The following PDLIM3 variants were observed in gnomAD, a reference collection of about 807,000 sequenced individuals.
PDLIM3 encodes PDZ and LIM domain protein 3.
In PDLIM3, 36 loss-of-function variants were observed where a neutral mutation model predicts 37.3. That is an observed-to-expected ratio of 0.97 (90% CI 0.74 to 1.28). PDLIM3 has a LOEUF of 1.28. Ranked by LOEUF, PDLIM3 falls within the 50% of genes most tolerant of loss-of-function variation. PDLIM3 has a pLI of 0.00. For synonymous variants in PDLIM3, 174 were observed against 182.4 expected (o/e 0.95, Z 0.37); for missense variants, 454 against 485.0 (o/e 0.94, Z 0.60).
chr4:185,514,534 G>T lies in PDLIM3; in HGVS notation c.331-197C>A. On this transcript the variant is annotated intron_variant, in intron 3 of 7. Transcript: ENST00000284767. This position sits in a 1 kb window ranked among gnomAD's most constrained non-coding sequence, Gnocchi z 4.0. ...TAAACGGTCAGGCACTGGCGGATTGGACCCCACAACAATTAGAACATGTTT... is the reference window on the plus strand; with the variant it reads ...TAAACGGTCAGGCACTGGCGGATTGTACCCCACAACAATTAGAACATGTTT... The T allele has an allele frequency of 7.9e-7, 1 of 1,271,610 alleles. No homozygotes were observed. The highest frequency in any genetic ancestry group is 1.1e-6 in the Non-Finnish European group (1 of 909,780). 78.8% of individuals were successfully genotyped at this position (1,271,610 alleles called of 1,614,324 possible).
chr4:185,534,068 G>A (rs542489411), intron 1 of PDLIM3, among the ~76,000 whole-genome samples: 2 of 152,272 alleles, frequency 1.3e-5, no homozygotes, highest in East Asian at 3.9e-4. Flanking sequence ...GTTTTTGGGG[G>A]TATGTTGAAC....
rs761092351 is a variant in PDLIM3 at position 185,504,567 on chromosome 4, C to T, written c.813G>A (p.Thr271=). Residue 271 remains threonine (T), a synonymous_variant, in exon 7 of 8, where the codon ACG becomes ACA. Coordinates refer to ENST00000284767, the MANE Select transcript of PDLIM3 (RefSeq NM_014476.6). The surrounding 1 kb of genome is among the most constrained non-coding windows in gnomAD (Gnocchi z 4.7). ...DDGSDDRPAG[T]RSVRAPVTKV... Reference sequence around the variant, plus strand: ...TCGTCACCGGAGCTCTCACACTCCGCGTTCCAGCCGGACGGTCATCTGAAA... The same window carrying T: ...TCGTCACCGGAGCTCTCACACTCCGTGTTCCAGCCGGACGGTCATCTGAAA... 4.3e-6 allele frequency: 7 copies of T among 1,613,900 alleles called. No homozygotes were observed. The highest frequency in any genetic ancestry group is 2.2e-5 in the East Asian group (1 of 44,886).
chr4:185,513,076 C>T (rs2095709157), intron 4 of PDLIM3: 1 of 984,760 alleles, frequency 1.0e-6, no homozygotes, highest in Non-Finnish European at 1.2e-6. Context: ...TGTAGATGGT[C>T]GCTTATTGAG....
chr4:185,535,477 A>AGGGCAGCCACTCCGCGCC lies in PDLIM3; in HGVS notation c.-61_-44dup. ...CACCGGGCTCTAAGTGTCCCCGCGCAGGGCAGCCACTCCGCGCCGGGCGGC... is the reference window on the plus strand; with the variant it reads ...CACCGGGCTCTAAGTGTCCCCGCGCAGGGCAGCCACTCCGCGCCGGGCAGCCACTCCGCGCCGGGCGGC... On this transcript the variant is annotated 5_prime_UTR_variant, in exon 1 of 8. Transcript: ENST00000284767. 1 of 1,510,674 alleles carries AGGGCAGCCACTCCGCGCC rather than the reference A, an allele frequency of 6.6e-7. No individual in the cohort carries two copies. The highest frequency in any genetic ancestry group is 8.9e-7 in the Non-Finnish European group (1 of 1,117,416). The allele number at this position is 1,510,674 out of a possible 1,614,324, so 93.6% of individuals were successfully genotyped here.
At chr4:185,503,958 A>G (rs1230141631) in intron 7 of PDLIM3, among the ~76,000 whole-genome samples, 2 of 152,210 alleles carry the variant, frequency 1.3e-5, no homozygotes, top group African/African-American at 2.4e-5. Context: ...TGAATAAATA[A>G]AAGTTCCCTT....
Position 185,512,488 on chromosome 4 carries a change from T to C in PDLIM3, c.398+1782A>G, listed in dbSNP as rs543646034. On this transcript the variant is annotated intron_variant, in intron 4 of 7. Transcript: ENST00000284767. Reference sequence around the variant, plus strand: ...AATTCAGCTACATTAAAAGGTGTGATCTTCAAATGACAACATTATGAGTGG... The same window carrying C: ...AATTCAGCTACATTAAAAGGTGTGACCTTCAAATGACAACATTATGAGTGG... The C allele has an allele frequency of 2.5e-5, 4 of 161,120 alleles. No homozygotes were observed. The South Asian group carries it at 8.0e-4, about 32-fold the overall frequency. 10.0% of individuals were successfully genotyped at this position (161,120 alleles called of 1,614,324 possible).
chr4:185,508,299 C>A lies in PDLIM3; in HGVS notation c.662G>T (p.Ser221Ile). The change falls in exon 5 of 8, where the codon AGC (serine) becomes ATC (isoleucine). Residue 221 changes from serine (S) to isoleucine (I), a missense_variant and splice_region_variant. Physicochemically the swap from Ser to Ile is moderately radical, Grantham distance 142. Transcript: ENST00000284767. ...STALGETPLM[S>I]EPTASVPPES... ...CATGGTTCAAAGAGACTCATATTAC[C>A]TCATCAAAGGTGTTTCCCCTAGGGC... is the stretch of plus-strand genomic sequence containing the variant. 6.2e-7 allele frequency: 1 copy of A among 1,613,888 alleles called. No homozygotes were observed. Among genetic ancestry groups the A allele is most frequent in the Non-Finnish European group, 8.5e-7 (1 of 1,179,810 alleles).
At chr4:185,513,761 C>T (rs114163709) in intron 4 of PDLIM3, 211 of 1,030,444 alleles carry the variant, frequency 2.0e-4, no homozygotes, top group Admixed American at 3.5e-4. Flanking sequence ...TTTTCTTTCC[C>T]CTTAGGTTGG....
intron 4 of PDLIM3, among the ~76,000 whole-genome samples, chr4:185,510,178 T>C (rs941381124): frequency 6.6e-6 from 1 of 152,156 alleles, no homozygotes; most frequent in African/African-American, 2.4e-5. Flanking sequence ...TTAGTCAGGA[T>C]CATGTGGATT....
chr4:185,530,012 T>C (rs977023835), intron 1 of PDLIM3, among the ~76,000 whole-genome samples: 1 of 152,234 alleles, frequency 6.6e-6, no homozygotes, highest in Non-Finnish European at 1.5e-5. Flanking sequence ...GCAGTTCATA[T>C]ACATGTTCCT....
chr4:185,523,002 T>C (rs2153337740), intron 3 of PDLIM3: 1 of 216,114 alleles, frequency 4.6e-6, no homozygotes, highest in Non-Finnish European at 9.2e-6. Context: ...TTTCAAATGG[T>C]AGACCTTATT....
chr4:185,530,832 T>G (rs2095742831), intron 1 of PDLIM3, among the ~76,000 whole-genome samples: 1 of 152,162 alleles, frequency 6.6e-6, no homozygotes, highest in South Asian at 2.1e-4. Context: ...GAAGTCTTAG[T>G]TATCAGATCG....
intron 1 of PDLIM3, among the ~76,000 whole-genome samples, chr4:185,531,568 C>T (rs758032342): frequency 5.9e-5 from 9 of 152,142 alleles, no homozygotes; most frequent in Non-Finnish European, 1.3e-4. Flanking sequence ...TTGATGGAGG[C>T]AGTCATATTT....
In PDLIM3 at chr4:185,506,931, T is replaced by C. The variant is rs138189986; in HGVS notation, c.663-279A>G. On this transcript the variant is annotated intron_variant, in intron 5 of 7. Coordinates refer to ENST00000284767, the MANE Select transcript of PDLIM3 (RefSeq NM_014476.6). ...AAACTAAAAGATAATTGTCAGGAAA[T>C]AGTAATTAAGAAGAACAAGACTTGA... 4,044 of 378,650 alleles carry C rather than the reference T, an allele frequency of 0.011. 46 individuals are homozygous for C. Among genetic ancestry groups the C allele is most frequent in the Middle Eastern group, 0.03 (37 of 1,244 alleles). 23.5% of individuals were successfully genotyped at this position (378,650 alleles called of 1,614,324 possible).
At position 185,508,388 on chromosome 4, in the gene PDLIM3, A is replaced by T. The variant is rs794729096; in HGVS notation, c.573T>A (p.Asn191Lys). 3 of 1,614,146 alleles carry T rather than the reference A, an allele frequency of 1.9e-6. No individual in the cohort carries two copies. Among genetic ancestry groups the T allele is most frequent in the South Asian group, 1.1e-5 (1 of 91,078 alleles). The change falls in exon 5 of 8, where the codon AAT (asparagine) becomes AAA (lysine). Residue 191 changes from asparagine to lysine, a missense_variant. Asn to Lys is a moderately conservative substitution (Grantham distance 94). Transcript: ENST00000284767. Reference sequence around the variant, plus strand: ...CATCTGAGTACAACTGCATAGGTGTATTAAACTGAGCATGTACAATCTTCA... The same window carrying T: ...CATCTGAGTACAACTGCATAGGTGTTTTAAACTGAGCATGTACAATCTTCA... Reference protein sequence around the residue: ...PGVKIVHAQFNTPMQLYSDDN... With the variant: ...PGVKIVHAQFKTPMQLYSDDN...
Position 185,502,168 on chromosome 4 carries a change from G to T in PDLIM3, c.*126C>A. ...TTCCTCAATAAACAATAGGATAAAG[G>T]TCTAAAGCCTTGACTTTAGATTTGG... is the stretch of plus-strand genomic sequence containing the variant. On this transcript the variant is annotated 3_prime_UTR_variant, in exon 8 of 8. Transcript: ENST00000284767. The T allele has an allele frequency of 2.1e-6, 2 of 971,954 alleles. No individual in the cohort carries two copies. Among genetic ancestry groups the T allele is most frequent in the Non-Finnish European group, 3.3e-6 (2 of 605,548 alleles). The allele number at this position is 971,954 out of a possible 1,614,324, so 60.2% of individuals were successfully genotyped here. A position where few individuals can be genotyped will look rare whatever the true frequency, so the allele number is the denominator to read the frequency against.
At chr4:185,511,480 C>A (rs931878807) in intron 4 of PDLIM3, among the ~76,000 whole-genome samples, 28 of 152,088 alleles carry the variant, frequency 1.8e-4, no homozygotes, top group African/African-American at 6.5e-4. Flanking sequence ...CATGCCTCAG[C>A]CTCCTGAATA....
At position 185,514,691 on chromosome 4, in the gene PDLIM3, C is replaced by T. The variant is rs28447263; in HGVS notation, c.331-354G>A. On this transcript the variant is annotated intron_variant, in intron 3 of 7. Transcript: ENST00000284767. The surrounding 1 kb of genome is among the most constrained non-coding windows in gnomAD (Gnocchi z 4.0). ...TAGGTACACTGTGGCCAGAACAGAG[C>T]CGGATACTTACTTTTGAGGTGAGCT... The T allele has an allele frequency of 4.5e-3, 7,039 of 1,550,504 alleles. 258 individuals carry two copies. In the African/African-American group the frequency reaches 0.083, roughly 18 times the overall value.
chr4:185,527,152 CTAT>C (rs1428452982), intron 1 of PDLIM3, among the ~76,000 whole-genome samples: 1 of 152,172 alleles, frequency 6.6e-6, no homozygotes, highest in Non-Finnish European at 1.5e-5. Flanking sequence ...GAACTAGTCC[CTAT>C]ATACCCAAAG....
Sources: allele counts gnomAD v4.1 joint callset (sites outside exome capture counted in the v4.1 genomes callset), GRCh38; gene constraint gnomAD v4.1.1; non-coding constraint Gnocchi (gnomAD v3.1); transcripts MANE v1.5; gene names NCBI Gene and HGNC (gene_info 2026-07-23, HGNC 2026-07-21).